The following C11orf21 variants were observed in gnomAD, a reference collection of about 807,000 sequenced individuals.
C11orf21 encodes chromosome 11 open reading frame 21, also known as uncharacterized protein C11orf21.
In C11orf21, 19 loss-of-function variants were observed where a neutral mutation model predicts 15.2. That is an observed-to-expected ratio of 1.25 (90% CI 0.87 to 1.84). The LOEUF is 1.84. Ranked by LOEUF, C11orf21 falls within the 40% of genes most tolerant of loss-of-function variation. C11orf21 has a pLI of 0.00. For synonymous variants in C11orf21, 62 were observed against 66.8 expected, an observed-to-expected ratio of 0.93 and a Z score of 0.35; for missense variants, 171 against 174.4, an observed-to-expected ratio of 0.98 and a Z score of 0.11.
chr11:2,301,027 A>T (rs1436256228), intron 1 of C11orf21: 2 of 512,192 alleles, frequency 3.9e-6, no homozygotes, highest in African/African-American at 3.9e-5. Context: ...AGAGCTGCAG[A>T]GGGTGCTGCC....
At position 2,300,507 on chromosome 11, in the gene C11orf21, G is replaced by A; in HGVS notation, c.147+13C>T. 2 of 1,521,264 alleles carry A rather than the reference G, an allele frequency of 1.3e-6. No individual in the cohort carries two copies. The highest frequency in any genetic ancestry group is 1.8e-6 in the Non-Finnish European group (2 of 1,128,116). 94.2% of individuals were successfully genotyped at this position (1,521,264 alleles called of 1,614,324 possible). ...CCGCTGGTGGGGCACAGTGAGGGGG[G>A]CTGTGGTCAGACCTGGTCTCTGGAG... On this transcript the variant is annotated intron_variant, in intron 2 of 3. Coordinates refer to ENST00000381153, the MANE Select transcript of C11orf21 (RefSeq NM_001329958.2).
chr11:2,303,028 C>A, upstream of C11orf21: 2 of 1,386,560 alleles, frequency 1.4e-6, no homozygotes, highest in Non-Finnish European at 2.0e-6. Context: ...ACGAGCCCAG[C>A]TGGACGCCTC....
chr11:2,301,524 C>A (rs1275978663), intron 1 of C11orf21: 2 of 470,962 alleles, frequency 4.2e-6, no homozygotes, highest in Non-Finnish European at 7.6e-6. Flanking sequence ...GGCCCCAGCC[C>A]ACCCCTGTGG....
intron 3 of C11orf21, among the ~76,000 whole-genome samples, chr11:2,298,301 A>C (rs2651838): frequency 1.3e-5 from 2 of 152,050 alleles, no homozygotes; most frequent in Admixed American, 1.3e-4. Context: ...CTGGCCTGAA[A>C]GGGGATGGGC....
Position 2,299,699 on chromosome 11 carries a change from A to G in C11orf21, c.156T>C (p.Pro52=), listed in dbSNP as rs1032167362. The change falls in exon 3 of 4, where the codon CCT becomes CCC. Residue 52 remains proline, a synonymous_variant. Transcript: ENST00000381153. ...PGWPSRDQEA[P]GSMMPPAAAQ... ...CAGCTGCAGGTGGCATCATTGAGCCAGGGGCCTCCTGGTGGGTAAGGACAT... is the reference window on the plus strand; with the variant it reads ...CAGCTGCAGGTGGCATCATTGAGCCGGGGGCCTCCTGGTGGGTAAGGACAT... 21 of 1,550,976 alleles carry G rather than the reference A, an allele frequency of 1.4e-5. No homozygotes were observed. The East Asian group carries it at 4.9e-4, about 36-fold the overall frequency.
chr11:2,296,317 C>T lies in C11orf21; in HGVS notation c.*1633G>A, dbSNP rs554710412. 2.0e-5 allele frequency: 3 copies of T among 152,294 alleles called. No individual in the cohort carries two copies. Among genetic ancestry groups the T allele is most frequent in the South Asian group, 2.1e-4 (1 of 4,826 alleles). The allele number at this position is 152,294 out of a possible 1,614,324, so 9.4% of individuals were successfully genotyped here. ...TGGGGGCTCTGCTGGCTGCCACATA[C>T]GTCTGTTTACTCACCCATCTGAGGC... is the stretch of plus-strand genomic sequence containing the variant. On this transcript the variant is annotated 3_prime_UTR_variant, in exon 4 of 4. Transcript: ENST00000381153. The surrounding 1 kb of genome is among the most constrained non-coding windows in gnomAD (Gnocchi z 5.6).
chr11:2,303,022 G>C (rs1245042863), upstream of C11orf21: 1 of 1,458,144 alleles, frequency 6.9e-7, no homozygotes, highest in Non-Finnish European at 9.5e-7. Context: ...GCTGGCACGA[G>C]CCCAGCTGGA....
intron 3 of C11orf21, 46 bp downstream of exon 3, chr11:2,299,382 C>T: frequency 6.6e-7 from 1 of 1,520,870 alleles, no homozygotes; most frequent in Non-Finnish European, 8.8e-7. Flanking sequence ...CGCTCACAGA[C>T]AGCACAGGGG....
chr11:2,300,767 T>C, intron 1 of C11orf21, 154 bp from the exon 2 acceptor site: 1 of 1,550,580 alleles, frequency 6.4e-7, no homozygotes, highest in Non-Finnish European at 8.7e-7. Context: ...AGAGAGACAA[T>C]TCTAGGGGCG....
In C11orf21 at chr11:2,299,676, G is replaced by C; in HGVS notation, c.179C>G (p.Ala60Gly). The change falls in exon 3 of 4, where the codon GCT becomes GGT. Residue 60 changes from alanine (A) to glycine (G), a missense_variant. Ala to Gly is a moderately conservative substitution (Grantham distance 60). Transcript: ENST00000381153. ...GGCACCATGGGCGGAGGGTTGGGCA[G>C]CTGCAGGTGGCATCATTGAGCCAGG... ...EAPGSMMPPA[A>G]AQPSAHGALV... 1 of 1,551,086 alleles carries C rather than the reference G, an allele frequency of 6.4e-7. No homozygotes were observed. Among genetic ancestry groups the C allele is most frequent in the Non-Finnish European group, 8.7e-7 (1 of 1,146,912 alleles).
Position 2,300,533 on chromosome 11 carries a change from G to A in C11orf21, c.134C>T (p.Pro45Leu). 1 of 1,548,104 alleles carries A rather than the reference G, an allele frequency of 6.5e-7. No homozygotes were observed. Among genetic ancestry groups the A allele is most frequent in the Non-Finnish European group, 8.7e-7 (1 of 1,146,002 alleles). Residue 45 changes from proline to leucine, a missense_variant, in exon 2 of 4, where the codon CCC (proline) becomes CTC (leucine). Coordinates refer to ENST00000381153, the MANE Select transcript of C11orf21 (RefSeq NM_001329958.2). The part of the protein sequence containing the change: ...PDRWTGTPGW[P>L]SRDQEAPGSM... ...CTGTGGTCAGACCTGGTCTCTGGAGGGCCAGCCGGGGGTTCCCGTCCACCT... is the reference window on the plus strand; with the variant it reads ...CTGTGGTCAGACCTGGTCTCTGGAGAGCCAGCCGGGGGTTCCCGTCCACCT...
chr11:2,301,717 C>A, intron 1 of C11orf21, 39 bp downstream of exon 1: 1 of 1,508,400 alleles, frequency 6.6e-7, no homozygotes. Context: ...CCCCCAAGGC[C>A]CAGTCCACAC....
chr11:2,302,700 G>A (rs552637683), upstream of C11orf21: 19 of 681,616 alleles, frequency 2.8e-5, no homozygotes, highest in Non-Finnish European at 4.0e-5. Flanking sequence ...ACCACTCCAC[G>A]GAAACACCGG....
chr11:2,300,816 A>G, intron 1 of C11orf21: 1 of 1,538,968 alleles, frequency 6.5e-7, no homozygotes, highest in Non-Finnish European at 8.8e-7. Flanking sequence ...TTCCCTGGAG[A>G]GGACGGGCTG....
upstream of C11orf21, chr11:2,303,052 T>C: frequency 8.4e-7 from 1 of 1,183,980 alleles, no homozygotes; most frequent in South Asian, 1.4e-5. Context: ...GCCAGAATGG[T>C]GCCAGGCCCT....
At chr11:2,300,781 C>T (rs1847704488) in intron 1 of C11orf21, 168 bp from the exon 2 acceptor site, 1 of 1,550,342 alleles carries the variant, frequency 6.5e-7, no homozygotes, top group African/African-American at 1.4e-5. Flanking sequence ...AGGGGCGAAC[C>T]AGACATAGCC....
At position 2,301,667 on chromosome 11, in the gene C11orf21, G is replaced by A. The variant is rs1179225501; in HGVS notation, c.53+89C>T. The A allele has an allele frequency of 2.8e-6, 3 of 1,069,726 alleles. No homozygotes were observed. The South Asian group carries it at 4.7e-5, about 17-fold the overall frequency. 66.3% of individuals were successfully genotyped at this position (1,069,726 alleles called of 1,614,324 possible). A position where few individuals can be genotyped will look rare whatever the true frequency, so the allele number is the denominator to read the frequency against. On this transcript the variant is annotated intron_variant, in intron 1 of 3. Coordinates refer to ENST00000381153, the MANE Select transcript of C11orf21 (RefSeq NM_001329958.2). ...TTCCTAAGAACACCTCAATAATGAT[G>A]TTCCAAGGAGACCCCATCCAAATTC... is the stretch of plus-strand genomic sequence containing the variant.
upstream of C11orf21, chr11:2,303,128 G>A: frequency 4.9e-6 from 3 of 606,514 alleles, no homozygotes; most frequent in Non-Finnish European, 5.8e-6. Flanking sequence ...CCCCTGGGCA[G>A]GGCCTCGGGT....
chr11:2,300,762 G>C (rs1718318230), intron 1 of C11orf21, 149 bp from the exon 2 acceptor site: 2 of 1,550,640 alleles, frequency 1.3e-6, no homozygotes, highest in African/African-American at 2.7e-5. Flanking sequence ...GTTGGAGAGA[G>C]ACAATTCTAG....
Sources: gnomAD v4.1 joint callset for allele counts (sites outside exome capture counted in the v4.1 genomes callset) on GRCh38, gnomAD v4.1.1 for gene constraint, Gnocchi (gnomAD v3.1) non-coding constraint, MANE v1.5 for transcripts, NCBI Gene and HGNC (gene_info 2026-07-23, HGNC 2026-07-21) for gene names.